GPC6: variants seen among roughly 807,000 people sequenced by gnomAD.
The protein encoded by GPC6 is glypican 6.
Under a neutral mutation model 55.2 loss-of-function variants are expected in GPC6, and 14 were observed. That is an observed-to-expected ratio of 0.25 (90% confidence interval 0.17 to 0.40). The LOEUF (loss-of-function observed/expected upper bound fraction) is 0.40. Among genes scored for constraint, GPC6 ranks in the 10% least tolerant of loss-of-function variants. GPC6 has a pLI of 1.00. For synonymous variants in GPC6, 278 were observed against 259.6 expected (o/e 1.07, Z -0.68); for missense variants, 641 against 708.5 (o/e 0.90, Z 1.08).
intron 2 of GPC6, among the ~76,000 whole-genome samples, chr13:93,596,740 ATATATGTGTATATATG>A (rs1178119572): frequency 2.4e-4 from 36 of 148,356 alleles, no homozygotes; most frequent in Non-Finnish European, 4.6e-4. Context: ...ATATGCATAT[ATATATGTGTATATATG>A]TATATGTGTA....
At chr13:93,489,889 A>G (rs537711451) in intron 1 of GPC6, among the ~76,000 whole-genome samples, 1 of 151,546 alleles carries the variant, frequency 6.6e-6, no homozygotes, top group Non-Finnish European at 1.5e-5. Flanking sequence ...GGGTTTTCTA[A>G]ATATACAATC....
intron 3 of GPC6, among the ~76,000 whole-genome samples, chr13:93,934,340 CTT>C (rs1566610781): frequency 2.0e-5 from 3 of 152,002 alleles, no homozygotes; most frequent in African/African-American, 7.2e-5. Context: ...ATATTTTTCT[CTT>C]GATTACATAT....
intron 4 of GPC6, among the ~76,000 whole-genome samples, chr13:94,203,125 G>A: frequency 7.8e-6 from 1 of 128,706 alleles, no homozygotes; most frequent in East Asian, 2.0e-4. Flanking sequence ...CACTTATAGT[G>A]AGTCTTATAT....
chr13:94,208,495 A>G (rs897022070), intron 4 of GPC6, among the ~76,000 whole-genome samples: 16 of 152,156 alleles, frequency 1.1e-4, no homozygotes, highest in African/African-American at 3.6e-4. Flanking sequence ...TTAAAAAAAT[A>G]AATAGAAATT....
At chr13:93,525,925 A>C (rs1881630181) in intron 1 of GPC6, among the ~76,000 whole-genome samples, 1 of 152,122 alleles carries the variant, frequency 6.6e-6, no homozygotes, top group South Asian at 2.1e-4. Context: ...TGTATTTGCT[A>C]TACACATCTT....
chr13:93,961,238 T>C (rs919900511), intron 3 of GPC6, among the ~76,000 whole-genome samples: 1 of 152,182 alleles, frequency 6.6e-6, no homozygotes, highest in African/African-American at 2.4e-5. Context: ...GAATCTGAAA[T>C]GAGAACCTAT....
At chr13:93,512,176 C>G (rs1224506860) in intron 1 of GPC6, among the ~76,000 whole-genome samples, 1 of 151,944 alleles carries the variant, frequency 6.6e-6, no homozygotes, top group Admixed American at 6.6e-5. Flanking sequence ...CATTTTATTT[C>G]TTTCTGATTG....
At chr13:93,489,590 T>C (rs1879876149) in intron 1 of GPC6, among the ~76,000 whole-genome samples, 1 of 151,712 alleles carries the variant, frequency 6.6e-6, no homozygotes, top group Non-Finnish European at 1.5e-5. Context: ...ATATTGATTC[T>C]TCCTATCCAT....
chr13:94,182,267 T>A (rs1263248708), intron 4 of GPC6, among the ~76,000 whole-genome samples: 1 of 152,162 alleles, frequency 6.6e-6, no homozygotes, highest in African/African-American at 2.4e-5. Context: ...GAAACTGATT[T>A]GCAGAAAGGC....
intron 2 of GPC6, among the ~76,000 whole-genome samples, chr13:93,560,796 T>C (rs1875743395): frequency 6.7e-6 from 1 of 150,352 alleles, no homozygotes; most frequent in Non-Finnish European, 1.5e-5. Flanking sequence ...TTTTGCTCAA[T>C]ATCCAGCATA....
intron 3 of GPC6, among the ~76,000 whole-genome samples, chr13:93,923,022 T>A (rs1877655638): frequency 6.6e-6 from 1 of 152,148 alleles, no homozygotes; most frequent in East Asian, 1.9e-4. Context: ...ATAAACATCT[T>A]CTTATTATGA....
At chr13:94,244,963 A>G (rs1005372934) in intron 4 of GPC6, among the ~76,000 whole-genome samples, 1 of 152,116 alleles carries the variant, frequency 6.6e-6, no homozygotes, top group African/African-American at 2.4e-5. Context: ...TGGTTACTAT[A>G]TAGTGGAACA....
intron 3 of GPC6, among the ~76,000 whole-genome samples, chr13:93,929,045 G>A (rs1347032091): frequency 6.6e-6 from 1 of 152,160 alleles, no homozygotes; most frequent in Non-Finnish European, 1.5e-5. Context: ...ACTGTGTTCT[G>A]TGGAGTGTGC....
chr13:93,422,385 T>A (rs2139261189), intron 1 of GPC6, among the ~76,000 whole-genome samples: 1 of 152,316 alleles, frequency 6.6e-6, no homozygotes, highest in Admixed American at 6.5e-5. Flanking sequence ...CTTTTCTAAA[T>A]CAAACACAGA....
intron 1 of GPC6, among the ~76,000 whole-genome samples, chr13:93,328,582 G>A (rs879796959): frequency 6.6e-6 from 1 of 151,842 alleles, no homozygotes; most frequent in East Asian, 1.9e-4. Context: ...GGCTGAGGTG[G>A]GAGGATCAAT....
At chr13:93,837,976 A>G (rs1887803338) in intron 3 of GPC6, among the ~76,000 whole-genome samples, 1 of 152,216 alleles carries the variant, frequency 6.6e-6, no homozygotes, top group Non-Finnish European at 1.5e-5. Context: ...GATTTGCAGG[A>G]GACAAGGATA....
intron 3 of GPC6, among the ~76,000 whole-genome samples, chr13:93,908,382 C>T (rs902089472): frequency 6.6e-6 from 1 of 152,138 alleles, no homozygotes; most frequent in African/African-American, 2.4e-5. Flanking sequence ...AATGAGTCCA[C>T]CTACTGTATT....
intron 1 of GPC6, among the ~76,000 whole-genome samples, chr13:93,522,818 G>A (rs1419797551): frequency 6.6e-6 from 1 of 151,810 alleles, no homozygotes; most frequent in African/African-American, 2.4e-5. Flanking sequence ...TCTTTTCTTT[G>A]CCATGGAAGA....
In GPC6 at chr13:93,249,681, C is replaced by T. The variant is rs117175884; in HGVS notation, c.160+22065C>T. On this transcript the variant is annotated intron_variant, in intron 1 of 8. Transcript: ENST00000377047. ...AAGCAGCGCCTCATATTTCCACTTT[C>T]CAGTGGTAACTAGCAGAGGTAAGAG... 4.9e-3 allele frequency among the ~76,000 whole-genome samples: 739 copies of T among 152,316 alleles called. 4 individuals carry two copies. Among genetic ancestry groups the T allele is most frequent in the Non-Finnish European group, 8.2e-3 (555 of 68,032 alleles).
Sources: allele counts gnomAD v4.1 joint callset (sites outside exome capture counted in the v4.1 genomes callset), GRCh38; gene constraint gnomAD v4.1.1; transcripts MANE v1.5; gene names NCBI Gene and HGNC (gene_info 2026-07-23, HGNC 2026-07-21).